SV2C: variants seen among roughly 807,000 people sequenced by gnomAD.
The protein encoded by SV2C is solute carrier family 22 member B3.
A neutral mutation model predicts 79.7 loss-of-function variants in SV2C; 49 were observed. That is an observed-to-expected ratio of 0.61 (90% CI 0.49 to 0.78). SV2C has a LOEUF of 0.78. SV2C is among the 30% of genes least tolerant of loss of function. SV2C has a pLI of 0.00. For missense variants in SV2C, 833 were observed against 912.9 expected, an observed-to-expected ratio of 0.91 and a Z score of 1.13; for synonymous variants, 334 against 333.2, an observed-to-expected ratio of 1.00 and a Z score of -0.03.
chr5:76,123,434 T>A (rs1318329889), intron 1 of SV2C, among the ~76,000 whole-genome samples: 1 of 152,140 alleles, frequency 6.6e-6, no homozygotes, highest in Non-Finnish European at 1.5e-5. Flanking sequence ...AAAAAGAGAA[T>A]TTTAGACCAA....
At chr5:75,956,614 C>G in the SV2C span, among the ~76,000 whole-genome samples, 1 of 151,826 alleles carries the variant, frequency 6.6e-6, no homozygotes, top group Admixed American at 6.6e-5. Context: ...AAAATTAAGA[C>G]CAGAATCTGA....
At chr5:76,222,023 A>T (rs1176942813) in intron 4 of SV2C, among the ~76,000 whole-genome samples, 1 of 152,246 alleles carries the variant, frequency 6.6e-6, no homozygotes, top group Non-Finnish European at 1.5e-5. Context: ...TAATGGCAAT[A>T]TCAAATGCTG....
At chr5:75,933,190 G>T in the SV2C span, among the ~76,000 whole-genome samples, 1 of 151,942 alleles carries the variant, frequency 6.6e-6, no homozygotes, top group Admixed American at 6.6e-5. Flanking sequence ...CCCTACCCCC[G>T]CATCATCACC....
chr5:76,301,187 A>G (rs944617075), intron 11 of SV2C, among the ~76,000 whole-genome samples, 199 bp from the exon 12 acceptor site: 1 of 152,232 alleles, frequency 6.6e-6, no homozygotes, highest in Non-Finnish European at 1.5e-5. Flanking sequence ...AAAAGATGAT[A>G]TGCATTTCAT....
the SV2C span, among the ~76,000 whole-genome samples, chr5:75,866,334 T>C: frequency 6.6e-6 from 1 of 152,214 alleles, no homozygotes; most frequent in Non-Finnish European, 1.5e-5. Flanking sequence ...CTGATGTTAG[T>C]TGTAAGGGAT....
the SV2C span, among the ~76,000 whole-genome samples, chr5:76,006,046 G>A: frequency 2.0e-5 from 3 of 152,086 alleles, no homozygotes; most frequent in East Asian, 1.9e-4. Flanking sequence ...CCTCAACCAC[G>A]GAAGCAGTTT....
intron 1 of SV2C, among the ~76,000 whole-genome samples, chr5:76,096,909 T>C (rs1235997926): frequency 6.6e-6 from 1 of 152,224 alleles, no homozygotes; most frequent in Admixed American, 6.5e-5. Context: ...AATTATACCA[T>C]TGACCCTCCT....
At chr5:75,877,613 T>A in the SV2C span, among the ~76,000 whole-genome samples, 15,522 of 116,680 alleles carry the variant, frequency 0.13, 2,086 homozygotes, top group African/African-American at 0.45. Flanking sequence ...AAAAAAAAAA[T>A]CAAATTGAAA....
At chr5:76,082,515 C>CCTCTCTCTCT (rs146272772), upstream of SV2C, 1 of 149,864 alleles carries the variant, frequency 6.7e-6, no homozygotes, top group Non-Finnish European at 1.5e-5. Flanking sequence ...TCTCTCTCTC[C>CCTCTCTCTCT]CTCTCTCTCT....
intron 2 of SV2C, among the ~76,000 whole-genome samples, chr5:76,177,232 G>A (rs202034610): frequency 0.7 from 103,912 of 147,868 alleles, 37,884 homozygotes; most frequent in East Asian, 0.97. Flanking sequence ...ATATTAATCT[G>A]TATATATGAT....
At chr5:76,085,159 T>C (rs1260991955) in intron 1 of SV2C, among the ~76,000 whole-genome samples, 1 of 152,174 alleles carries the variant, frequency 6.6e-6, no homozygotes, top group Non-Finnish European at 1.5e-5. Context: ...CCATGGCAAG[T>C]TCCGAAAGGC....
chr5:75,921,696 C>T, the SV2C span: 1 of 553,020 alleles, frequency 1.8e-6, no homozygotes, highest in Non-Finnish European at 3.4e-6. Flanking sequence ...ATGGATATAC[C>T]CAGCAAAGAA....
At chr5:75,968,440 T>C in the SV2C span, among the ~76,000 whole-genome samples, 18,001 of 151,992 alleles carry the variant, frequency 0.12, 3,083 homozygotes, top group African/African-American at 0.38. Flanking sequence ...AAAAATTAGA[T>C]GAATGGACGA....
At chr5:75,848,895 C>G in the SV2C span, among the ~76,000 whole-genome samples, 1 of 152,180 alleles carries the variant, frequency 6.6e-6, no homozygotes, top group South Asian at 2.1e-4. Context: ...ATCTGACTTT[C>G]CTTATCTGCA....
the SV2C span, among the ~76,000 whole-genome samples, chr5:76,068,280 C>G: frequency 3.9e-5 from 6 of 152,100 alleles, no homozygotes; most frequent in African/African-American, 1.4e-4. Context: ...TAAGAATTAA[C>G]ATTTTAACAT....
intron 2 of SV2C, among the ~76,000 whole-genome samples, chr5:76,142,058 T>C (rs565657863): frequency 6.6e-6 from 1 of 152,272 alleles, no homozygotes; most frequent in Non-Finnish European, 1.5e-5. Context: ...AGATTACTGC[T>C]GAACACTTCA....
At chr5:75,855,102 AT>A in the SV2C span, among the ~76,000 whole-genome samples, 1 of 152,118 alleles carries the variant, frequency 6.6e-6, no homozygotes, top group Admixed American at 6.5e-5. Context: ...ACTATTCTAT[AT>A]CTTTTGCATT....
At position 76,131,894 on chromosome 5, in the gene SV2C, G is replaced by T; in HGVS notation, c.144G>T (p.Arg48=). 6.2e-7 allele frequency: 1 copy of T among 1,614,098 alleles called. No homozygotes were observed. Among genetic ancestry groups the T allele is most frequent in the Non-Finnish European group, 8.5e-7 (1 of 1,180,006 alleles). Reference sequence around the variant, plus strand: ...AATACACCCAGAGGTCCTACAGTCGGTTCCAAGATGAAGAAGATGATGATG... The same window carrying T: ...AATACACCCAGAGGTCCTACAGTCGTTTCCAAGATGAAGAAGATGATGATG... ...QDEYTQRSYS[R]FQDEEDDDDY... The change falls in exon 2 of 13, where the codon CGG becomes CGT. Residue 48 remains arginine, a synonymous_variant. Coordinates refer to ENST00000502798, the MANE Select transcript of SV2C (RefSeq NM_014979.4).
the SV2C span, among the ~76,000 whole-genome samples, chr5:76,030,581 A>C: frequency 6.6e-6 from 1 of 151,960 alleles, no homozygotes; most frequent in Non-Finnish European, 1.5e-5. Flanking sequence ...TGTTCATGAT[A>C]TGTATATGGT....
Sources: allele counts gnomAD v4.1 joint callset (sites outside exome capture counted in the v4.1 genomes callset), GRCh38; gene constraint gnomAD v4.1.1; transcripts MANE v1.5; gene names NCBI Gene and HGNC (gene_info 2026-07-23, HGNC 2026-07-21).